AGRN: variants seen among roughly 807,000 people sequenced by gnomAD.
AGRN encodes the protein agrin proteoglycan.
Under a neutral mutation model 211.0 loss-of-function variants are expected in AGRN, and 106 were observed. That is an observed-to-expected ratio of 0.50 (90% CI 0.43 to 0.59). The LOEUF is 0.59. AGRN is among the 20% of genes least tolerant of loss of function. The probability of loss-of-function intolerance (pLI) is 0.00; values close to 1 mark genes in which losing one functional copy is unlikely to be tolerated. For missense variants in AGRN, 3,040 were observed against 2,982.6 expected (o/e 1.02, Z -0.45); for synonymous variants, 1,525 against 1,332.5 (o/e 1.14, Z -3.15).
In AGRN at chr1:1,036,365, G is replaced by C. The variant is rs565999439; in HGVS notation, c.511+1041G>C. Among the ~76,000 whole-genome samples the C allele has an allele frequency of 7.9e-5, 12 of 152,234 alleles. No individual in the cohort carries two copies. The South Asian group carries it at 2.3e-3, about 29-fold the overall frequency. ...CTCAGTGGTCTGAAAGATAGGGTGG[G>C]GTCTTCCCTCGGAGTGTGGAGTTTA... On this transcript the variant is annotated intron_variant, in intron 3 of 35. Transcript: ENST00000379370.
chr1:1,052,594 G>A (rs115026621), intron 33 of AGRN: 25 of 191,212 alleles, frequency 1.3e-4, no homozygotes, highest in African/African-American at 2.7e-4. Flanking sequence ...GAGTGTGTGC[G>A]CACATGGGTC....
At chr1:1,028,606 G>A (rs58399787) in intron 2 of AGRN, among the ~76,000 whole-genome samples, 1,782 of 103,638 alleles carry the variant, frequency 0.017, 22 homozygotes, top group African/African-American at 0.066. Context: ...GGCCAAGGGC[G>A]CCCACAGCCA....
intron 3 of AGRN, among the ~76,000 whole-genome samples, chr1:1,037,649 G>A (rs1166812435): frequency 6.6e-6 from 1 of 152,196 alleles, no homozygotes; most frequent in Non-Finnish European, 1.5e-5. Flanking sequence ...GGCGTGGCAG[G>A]ACCCCCAAAA....
At position 1,054,871 on chromosome 1, in the gene AGRN, G is replaced by A. The variant is rs1166737018; in HGVS notation, c.6028G>A (p.Gly2010Ser). 15 of 1,556,346 alleles carry A rather than the reference G, an allele frequency of 9.6e-6. No homozygotes were observed. Among genetic ancestry groups the A allele is most frequent in the Admixed American group, 7.6e-5 (4 of 52,380 alleles). Reference protein sequence around the residue: ...PVGPALPKAYGTGFVGCLRDV... With the variant: ...PVGPALPKAYSTGFVGCLRDV... The stretch of plus-strand genomic sequence containing the variant: ...GGGCCCAGCACTGCCCAAGGCCTAC[G>A]GCACAGGCTTTGTGGGCTGCTTGCG... Residue 2010 changes from glycine to serine, a missense_variant, in exon 36 of 36, where the codon GGC (glycine) becomes AGC (serine). Gly to Ser is a moderately conservative substitution (Grantham distance 56). Transcript: ENST00000379370.
Position 1,048,392 on chromosome 1 carries a change from C to G in AGRN, c.4105+27C>G, listed in dbSNP as rs926457950. The G allele has an allele frequency of 3.5e-5, 28 of 795,700 alleles. No homozygotes were observed. Among genetic ancestry groups the G allele is most frequent in the Non-Finnish European group, 4.7e-5 (24 of 511,308 alleles). 49.3% of individuals were successfully genotyped at this position (795,700 alleles called of 1,614,324 possible). A position where few individuals can be genotyped will look rare whatever the true frequency, so the allele number is the denominator to read the frequency against. ...TAAGGATGTCCACTGCAGAGGAGGG[C>G]GGGGAGGCAGCAGGGTGGGGGCAAG... is the stretch of plus-strand genomic sequence containing the variant. On this transcript the variant is annotated intron_variant, in intron 23 of 35. Coordinates refer to ENST00000379370, the MANE Select transcript of AGRN (RefSeq NM_198576.4). This position sits in a 1 kb window ranked among gnomAD's most constrained non-coding sequence, Gnocchi z 5.9.
At chr1:1,052,060 C>T in intron 33 of AGRN, 1 of 1,485,858 alleles carries the variant, frequency 6.7e-7, no homozygotes, top group Non-Finnish European at 9.0e-7. Context: ...ACTCCCACTC[C>T]TCCATCCTTC....
intron 2 of AGRN, among the ~76,000 whole-genome samples, chr1:1,030,962 TCAGCATGTG>T (rs1341752035): frequency 3.7e-5 from 4 of 107,200 alleles, no homozygotes; most frequent in Non-Finnish European, 5.5e-5. Flanking sequence ...CTGTGTGAGA[TCAGCATGTG>T]TGTGTGTGTG....
Position 1,051,728 on chromosome 1 carries a change from G to C in AGRN, c.5564G>C (p.Gly1855Ala). 2.5e-6 allele frequency: 4 copies of C among 1,613,766 alleles called. No homozygotes were observed. Among genetic ancestry groups the C allele is most frequent in the Non-Finnish European group, 2.5e-6 (3 of 1,179,984 alleles). ...CCACCCTCACCTGCCTATCTCACAG[G>C]GCTGGTGGAGAAGTCAGCGGGGGAC... Reference protein sequence around the residue: ...GGFSGPHCEKGLVEKSAGDVD... With the variant: ...GGFSGPHCEKALVEKSAGDVD... Residue 1855 changes from glycine to alanine, a missense_variant and splice_region_variant, in exon 33 of 36, where the codon GGG becomes GCG. Gly to Ala is a moderately conservative substitution (Grantham distance 60). Coordinates refer to ENST00000379370, the MANE Select transcript of AGRN (RefSeq NM_198576.4).
intron 2 of AGRN, among the ~76,000 whole-genome samples, chr1:1,023,788 G>A (rs1362629371): frequency 3.3e-5 from 5 of 152,306 alleles, no homozygotes; most frequent in African/African-American, 4.8e-5. Flanking sequence ...GCCGCTCTAC[G>A]GGTGCCAGGC....
chr1:1,037,551 C>A (rs189627138), intron 3 of AGRN, among the ~76,000 whole-genome samples: 1 of 152,204 alleles, frequency 6.6e-6, no homozygotes, highest in Non-Finnish European at 1.5e-5. Flanking sequence ...GCGTTGCACA[C>A]AGTGGGAGGA....
intron 2 of AGRN, among the ~76,000 whole-genome samples, chr1:1,028,544 C>T (rs1644574763): frequency 8.4e-6 from 1 of 118,894 alleles, no homozygotes; most frequent in African/African-American, 2.9e-5. Context: ...GGGCCAAGGG[C>T]ACCCACAGCC....
Position 1,048,885 on chromosome 1 carries a change from C to G in AGRN, c.4124C>G (p.Pro1375Arg). The G allele has an allele frequency of 6.5e-7, 1 of 1,541,822 alleles. No homozygotes were observed. Among genetic ancestry groups the G allele is most frequent in the Non-Finnish European group, 8.7e-7 (1 of 1,143,222 alleles). ...TTTGCAGTGCTTGGCGCCCCTGTGC[C>G]GGCCTTCGAGGGCCGCTCCTTCCTG... ...VCEKVLGAPV[P>R]AFEGRSFLAF... Residue 1375 changes from proline to arginine, a missense_variant, in exon 24 of 36, where the codon CCG becomes CGG. Transcript: ENST00000379370. The surrounding 1 kb of genome is among the most constrained non-coding windows in gnomAD (Gnocchi z 5.9).
intron 2 of AGRN, among the ~76,000 whole-genome samples, chr1:1,033,403 G>A (rs1479653176): frequency 1.3e-5 from 2 of 151,250 alleles, no homozygotes; most frequent in African/African-American, 4.9e-5. Flanking sequence ...GCGGCCCCCC[G>A]AGCCCCCTGC....
chr1:1,054,393 G>T, intron 34 of AGRN, 55 bp from the exon 35 acceptor site: 1 of 1,456,780 alleles, frequency 6.9e-7, no homozygotes, highest in South Asian at 1.2e-5. Context: ...TTATGGTCTA[G>T]AGGAGGCAGA....
chr1:1,046,148 T>C lies in AGRN; in HGVS notation c.2806-12T>C, dbSNP rs1570221858. 2.5e-6 allele frequency: 4 copies of C among 1,613,902 alleles called. No homozygotes were observed. In the Admixed American group the frequency reaches 6.7e-5, roughly 27 times the overall value. ...GAGGCCTCGCCTTGAACATCCTTGT[T>C]CTCTGCCCCAGGTCTGTGGGTCAGA... On this transcript the variant is annotated splice_polypyrimidine_tract_variant and intron_variant, in intron 16 of 35. Transcript: ENST00000379370.
Position 1,055,403 on chromosome 1 carries a change from G to T in AGRN, c.*422G>T. 3.0e-6 allele frequency: 1 copy of T among 330,316 alleles called. No homozygotes were observed. 20.5% of individuals were successfully genotyped at this position (330,316 alleles called of 1,614,324 possible). On this transcript the variant is annotated 3_prime_UTR_variant, in exon 36 of 36. Coordinates refer to ENST00000379370, the MANE Select transcript of AGRN (RefSeq NM_198576.4). ...GCCTTTCCAAGCCCCCATTTGAGCT[G>T]CTCCTTCCTGTGTGTGCTCTGGGCC... is the stretch of plus-strand genomic sequence containing the variant.
Position 1,043,264 on chromosome 1 carries a change from G to A in AGRN, c.1410G>A (p.Gly470=), listed in dbSNP as rs371755962. The A allele has an allele frequency of 8.7e-6, 14 of 1,610,358 alleles. No homozygotes were observed. Among genetic ancestry groups the A allele is most frequent in the African/African-American group, 1.3e-5 (1 of 74,896 alleles). The change falls in exon 8 of 36, where the codon GGG becomes GGA. Residue 470 remains glycine, a synonymous_variant. Coordinates refer to ENST00000379370, the MANE Select transcript of AGRN (RefSeq NM_198576.4). ...PCDQAPSPCL[G]VQCAFGATCA... is the part of the protein sequence containing the mutation. ...ACCAGGCCCCGTCCCCATGCCTCGG[G>A]GTGCAGTGTGCATTTGGGGCGACGT...
At position 1,052,651 on chromosome 1, in the gene AGRN, G is replaced by A. The variant is rs147663389; in HGVS notation, c.5651+836G>A. On this transcript the variant is annotated intron_variant, in intron 33 of 35. Transcript: ENST00000379370. ...GAGGGAGACATGCATGTGTGTGTCC[G>A]TGTGTGTGCATGGGTCCATGTGTGT... 530 of 177,488 alleles carry A rather than the reference G, an allele frequency of 3.0e-3. 3 individuals carry two copies. Among genetic ancestry groups the A allele is most frequent in the African/African-American group, 0.012 (498 of 41,492 alleles). 11.0% of individuals were successfully genotyped at this position (177,488 alleles called of 1,614,324 possible). A position where few individuals can be genotyped will look rare whatever the true frequency, so the allele number is the denominator to read the frequency against.
At position 1,051,242 on chromosome 1, in the gene AGRN, C is replaced by T. The variant is rs377294081; in HGVS notation, c.5254-11C>T. On this transcript the variant is annotated splice_polypyrimidine_tract_variant and intron_variant, in intron 30 of 35. Coordinates refer to ENST00000379370, the MANE Select transcript of AGRN (RefSeq NM_198576.4). ...GGGCTCTGCACAGCCACTTACCTGG[C>T]GTCCCCGCAGGTTCCGCACACCGTC... is the stretch of plus-strand genomic sequence containing the variant. 1.5e-5 allele frequency: 24 copies of T among 1,579,906 alleles called. No homozygotes were observed. Among genetic ancestry groups the T allele is most frequent in the Middle Eastern group, 1.7e-4 (1 of 5,872 alleles).
Sources: gnomAD v4.1 joint callset for allele counts (sites outside exome capture counted in the v4.1 genomes callset) on GRCh38, gnomAD v4.1.1 for gene constraint, Gnocchi (gnomAD v3.1) non-coding constraint, MANE v1.5 for transcripts, NCBI Gene and HGNC (gene_info 2026-07-23, HGNC 2026-07-21) for gene names.